Variants in CFAP43 observed in about 807,000 individuals in gnomAD.
CFAP43 encodes the protein cilia and flagella associated protein 43.
In CFAP43, 155 loss-of-function variants were observed where a neutral mutation model predicts 218.9. The ratio of observed to expected loss-of-function variants is 0.71; its 90% CI spans 0.62 to 0.81. The LOEUF is 0.81. CFAP43 is among the 30% of genes least tolerant of loss of function. The pLI, the probability that CFAP43 is intolerant of heterozygous loss-of-function variation, is 0.00. For missense variants in CFAP43, 1,778 were observed against 1,954.3 expected (o/e 0.91, Z 1.70); for synonymous variants, 645 against 681.3 (o/e 0.95, Z 0.83).
chr10:104,210,742 C>A (rs574651623), intron 5 of CFAP43, among the ~76,000 whole-genome samples: 394 of 149,916 alleles, frequency 2.6e-3, no homozygotes, highest in African/African-American at 8.8e-3. Flanking sequence ...CTCTTTTTCC[C>A]TTAGGGCCTT....
intron 5 of CFAP43, 99 bp from the exon 6 acceptor site, chr10:104,207,923 A>C (rs1344110073): frequency 8.3e-7 from 1 of 1,198,140 alleles, no homozygotes; most frequent in Non-Finnish European, 1.2e-6. Context: ...ACCATACTTA[A>C]CCCCATAGAC....
intron 27 of CFAP43, among the ~76,000 whole-genome samples, chr10:104,156,253 A>C (rs1040291246): frequency 2.0e-5 from 3 of 152,168 alleles, no homozygotes; most frequent in Non-Finnish European, 4.4e-5. Flanking sequence ...ACTGTATATC[A>C]AACTGGTAAT....
At chr10:104,132,514 G>T in intron 35 of CFAP43, 1 of 440,154 alleles carries the variant, frequency 2.3e-6, no homozygotes. Flanking sequence ...CTCCGGGAGG[G>T]TGAGGCAGGA....
chr10:104,167,738 C>T lies in CFAP43; in HGVS notation c.2692-1G>A, dbSNP rs200679559. ...CAACCACACAGGGGATATGAAAACA[C>T]TTGGGGAAAAAAACGCAAGACAAAA... On this transcript the variant is annotated splice_acceptor_variant, in intron 21 of 37. Coordinates refer to ENST00000357060, the MANE Select transcript of CFAP43 (RefSeq NM_025145.7). LOFTEE classifies it high-confidence loss of function. 1.3e-5 allele frequency: 21 copies of T among 1,596,062 alleles called. No homozygotes were observed. Among genetic ancestry groups the T allele is most frequent in the Non-Finnish European group, 1.8e-5 (21 of 1,174,108 alleles).
rs200902358 is a variant in CFAP43 at position 104,188,272 on chromosome 10, T to G, written c.1685A>C (p.Gln562Pro). Reference protein sequence around the residue: ...EMFTLPTLLPQVSTTFADERG... With the variant: ...EMFTLPTLLPPVSTTFADERG... ...CTGGCTGCTTATGTTTTCCTTACCT[T>G]GTGGCAGTAATGTAGGCAGTGTGAA... Residue 562 changes from glutamine to proline, a missense_variant and splice_region_variant, in exon 13 of 38, where the codon CAA becomes CCA. Physicochemically the swap from Gln to Pro is moderately conservative, Grantham distance 76. This residue lies in a region of CFAP43 where 1,553 missense variants were observed against 1,685.2 expected (regional missense o/e 0.92). Coordinates refer to ENST00000357060, the MANE Select transcript of CFAP43 (RefSeq NM_025145.7). 1.4e-4 allele frequency: 233 copies of G among 1,613,466 alleles called. 3 individuals are homozygous for G. The highest frequency in any genetic ancestry group is 4.9e-4 in the Middle Eastern group (3 of 6,084).
intron 1 of CFAP43, 72 bp from the exon 2 acceptor site, chr10:104,230,915 G>T: frequency 6.9e-7 from 1 of 1,452,434 alleles, no homozygotes. Context: ...AAAGCAAAGG[G>T]TCATCAAAAT....
At chr10:104,203,648 T>C (rs184851842) in intron 8 of CFAP43, 24 bp downstream of exon 8, 2 of 1,583,934 alleles carry the variant, frequency 1.3e-6, no homozygotes, top group East Asian at 4.5e-5. Context: ...AAATCACATA[T>C]CAAGAAATTA....
intron 27 of CFAP43, among the ~76,000 whole-genome samples, chr10:104,155,243 G>T: frequency 6.6e-6 from 1 of 152,166 alleles, no homozygotes; most frequent in East Asian, 1.9e-4. Context: ...ACTTGGCGAT[G>T]TCTCTGGACA....
intron 27 of CFAP43, among the ~76,000 whole-genome samples, chr10:104,157,440 G>A (rs940237378): frequency 3.3e-5 from 5 of 152,162 alleles, no homozygotes; most frequent in Admixed American, 6.5e-5. Context: ...GACATTATGC[G>A]TTGTGCTCAT....
At chr10:104,214,472 C>A (rs1175296586) in intron 3 of CFAP43, 46 bp from the exon 4 acceptor site, 2 of 1,460,810 alleles carry the variant, frequency 1.4e-6, no homozygotes, top group East Asian at 4.8e-5. Flanking sequence ...ATTTGAATTT[C>A]ATGTATTTAG....
At chr10:104,142,481 C>T in intron 32 of CFAP43, 88 bp from the exon 33 acceptor site, 4 of 878,728 alleles carry the variant, frequency 4.6e-6, no homozygotes, top group Non-Finnish European at 6.9e-6. Flanking sequence ...AATTTAAAAA[C>T]CTTAACAGGT....
chr10:104,205,020 C>T (rs571233194), intron 7 of CFAP43, among the ~76,000 whole-genome samples: 7 of 152,050 alleles, frequency 4.6e-5, no homozygotes, highest in Non-Finnish European at 8.8e-5. Context: ...CAAGACCATC[C>T]TGCATAACAC....
chr10:104,232,163 G>A lies in CFAP43; in HGVS notation c.65+19C>T, dbSNP rs751779276. The A allele has an allele frequency of 9.4e-6, 15 of 1,603,274 alleles. No individual in the cohort carries two copies. The highest frequency in any genetic ancestry group is 1.3e-5 in the Non-Finnish European group (15 of 1,175,296). The stretch of plus-strand genomic sequence containing the variant: ...GTTCCGCGAGACCCAGATCGGTCGC[G>A]GGGCCGTGAACACCGCACCTCACGG... On this transcript the variant is annotated intron_variant, in intron 1 of 37. Transcript: ENST00000357060.
intron 34 of CFAP43, among the ~76,000 whole-genome samples, chr10:104,134,289 T>C (rs2087335622): frequency 6.6e-6 from 1 of 152,018 alleles, no homozygotes; most frequent in Non-Finnish European, 1.5e-5. Context: ...TCCCAGCTAC[T>C]CAGGAGGCTG....
chr10:104,132,528 T>A, intron 35 of CFAP43: 1 of 540,230 alleles, frequency 1.9e-6, no homozygotes, highest in Non-Finnish European at 2.4e-6. Context: ...GGCAGGAGAA[T>A]TGCTTGAACC....
At chr10:104,141,775 C>T (rs1422953632) in intron 33 of CFAP43, among the ~76,000 whole-genome samples, 2 of 152,076 alleles carry the variant, frequency 1.3e-5, no homozygotes, top group Non-Finnish European at 2.9e-5. Context: ...GATGTGTTCT[C>T]AATGAATTTG....
intron 23 of CFAP43, 99 bp from the exon 24 acceptor site, chr10:104,164,399 A>ATTTTT: frequency 3.8e-6 from 3 of 796,684 alleles, no homozygotes; most frequent in Non-Finnish European, 5.6e-6. Flanking sequence ...CATTCCACAA[A>ATTTTT]TTTTTTTTTT....
intron 31 of CFAP43, among the ~76,000 whole-genome samples, chr10:104,144,419 G>A (rs12221084): frequency 0.13 from 20,450 of 152,214 alleles, 1,466 homozygotes; most frequent in Middle Eastern, 0.19. Flanking sequence ...GGGAGGTTGA[G>A]ATGGGTGGAT....
chr10:104,139,414 G>A (rs961856657), intron 34 of CFAP43, among the ~76,000 whole-genome samples: 3 of 151,978 alleles, frequency 2.0e-5, no homozygotes, highest in Non-Finnish European at 2.9e-5. Context: ...TGTGCATACC[G>A]CCCCCTATCC....
Sources: allele counts gnomAD v4.1 joint callset (sites outside exome capture counted in the v4.1 genomes callset), GRCh38; gene constraint gnomAD v4.1.1; regional missense constraint gnomAD v4.1.1; transcripts MANE v1.5; gene names NCBI Gene and HGNC (gene_info 2026-07-23, HGNC 2026-07-21).